MXI1: variants seen among roughly 807,000 people sequenced by gnomAD.
MXI1 encodes max-interacting protein 1.
MXI1 carries 18 observed loss-of-function variants against 36.9 expected under a neutral mutation model. The observed-to-expected ratio is 0.49, with a 90% CI of 0.34 to 0.72. The LOEUF is 0.72. Among genes scored for constraint, MXI1 ranks in the 30% least tolerant of loss-of-function variants. The pLI is 0.01. For synonymous variants in MXI1, 160 were observed against 146.7 expected, an observed-to-expected ratio of 1.09 and a Z score of -0.65; for missense variants, 304 against 379.1, an observed-to-expected ratio of 0.80 and a Z score of 1.64.
chr10:110,238,075 A>T (rs1184518123), intron 2 of MXI1, among the ~76,000 whole-genome samples: 1 of 152,204 alleles, frequency 6.6e-6, no homozygotes, highest in Non-Finnish European at 1.5e-5. Flanking sequence ...ATCAGGATGC[A>T]TTACTCTCCT....
intron 3 of MXI1, among the ~76,000 whole-genome samples, chr10:110,251,329 T>A (rs1464362240): frequency 1.3e-5 from 2 of 152,158 alleles, no homozygotes; most frequent in Non-Finnish European, 2.9e-5. Context: ...AATATCAATC[T>A]TTCAGCAACA....
chr10:110,272,502 G>A (rs560977194), intron 3 of MXI1, among the ~76,000 whole-genome samples: 36 of 152,146 alleles, frequency 2.4e-4, no homozygotes, highest in Admixed American at 1.8e-3. Context: ...AATATCCTCT[G>A]GCTCAGTGTT....
intron 3 of MXI1, among the ~76,000 whole-genome samples, chr10:110,262,510 G>C (rs941329601): frequency 2.6e-5 from 4 of 152,072 alleles, no homozygotes; most frequent in African/African-American, 9.7e-5. Context: ...CTGGGGAAAG[G>C]AGTGAGATTC....
At chr10:110,216,008 C>T (rs1854628095) in intron 1 of MXI1, among the ~76,000 whole-genome samples, 1 of 152,196 alleles carries the variant, frequency 6.6e-6, no homozygotes, top group African/African-American at 2.4e-5. Context: ...ACCCGAGTGG[C>T]CTGGCTAGAG....
chr10:110,231,055 A>G (rs1477533803), intron 2 of MXI1, among the ~76,000 whole-genome samples: 4 of 152,182 alleles, frequency 2.6e-5, no homozygotes, highest in African/African-American at 9.7e-5. Flanking sequence ...CTCAGGTATT[A>G]TATGATATGC....
At chr10:110,245,491 AC>A (rs1258902359) in intron 3 of MXI1, among the ~76,000 whole-genome samples, 1 of 152,076 alleles carries the variant, frequency 6.6e-6, no homozygotes, top group Non-Finnish European at 1.5e-5. Context: ...GTCACCTGAT[AC>A]CTTTTTGAAG....
intron 3 of MXI1, among the ~76,000 whole-genome samples, chr10:110,256,123 A>T (rs1280887794): frequency 6.6e-6 from 1 of 152,208 alleles, no homozygotes; most frequent in Non-Finnish European, 1.5e-5. Flanking sequence ...ATGAGGTTGG[A>T]TCCCTACCTC....
chr10:110,211,744 G>T (rs1854521564), intron 1 of MXI1, among the ~76,000 whole-genome samples: 1 of 152,206 alleles, frequency 6.6e-6, no homozygotes, highest in African/African-American at 2.4e-5. Flanking sequence ...ACTGTCTGCT[G>T]TGTGCAAGGC....
At chr10:110,227,067 G>T (rs373808181) in intron 1 of MXI1, among the ~76,000 whole-genome samples, 50 of 54,596 alleles carry the variant, frequency 9.2e-4, no homozygotes, top group Non-Finnish European at 1.3e-3. Flanking sequence ...GGGCGTACGC[G>T]TGTGGGGAGG....
chr10:110,226,041 G>C, intron 1 of MXI1: 9 of 982,996 alleles, frequency 9.2e-6, no homozygotes, highest in Non-Finnish European at 1.1e-5. Flanking sequence ...GGCGCGGCTG[G>C]CGCGGCTGGG....
chr10:110,284,238 T>C (rs1291002510), intron 5 of MXI1, among the ~76,000 whole-genome samples: 3 of 152,116 alleles, frequency 2.0e-5, no homozygotes, highest in Non-Finnish European at 4.4e-5. Context: ...TTTCAAGCTA[T>C]ATTTGATGCA....
chr10:110,226,203 C>A lies in MXI1; in HGVS notation c.275-1986C>A, dbSNP rs569559832. The stretch of plus-strand genomic sequence containing the variant: ...GCGGAGAGGCGCCGGTCGCCACCCG[C>A]GGTGCCCATGGAGCGGGTGAAGATG... On this transcript the variant is annotated intron_variant, in intron 1 of 5. Transcript: ENST00000332674. The A allele has an allele frequency of 2.0e-6, 3 of 1,473,688 alleles. No homozygotes were observed. The African/African-American group carries it at 4.4e-5, about 21-fold the overall frequency. 91.3% of individuals were successfully genotyped at this position (1,473,688 alleles called of 1,614,324 possible).
At chr10:110,209,535 T>C (rs1564702178) in intron 1 of MXI1, among the ~76,000 whole-genome samples, 1 of 151,856 alleles carries the variant, frequency 6.6e-6, no homozygotes, top group Non-Finnish European at 1.5e-5. Flanking sequence ...GGATTTGTGT[T>C]GTGAGGTCGG....
At chr10:110,284,761 A>T in intron 5 of MXI1, 63 bp from the exon 6 acceptor site, 1 of 1,423,686 alleles carries the variant, frequency 7.0e-7, no homozygotes, top group Non-Finnish European at 9.5e-7. Context: ...TCATGCTGTT[A>T]GTTTTTGAAG....
intron 1 of MXI1, among the ~76,000 whole-genome samples, chr10:110,223,727 G>A (rs1413910732): frequency 6.6e-6 from 1 of 152,040 alleles, no homozygotes; most frequent in Non-Finnish European, 1.5e-5. Flanking sequence ...CCAACACCCA[G>A]TGGGAAAGTC....
At chr10:110,230,207 A>G (rs1421473473) in intron 2 of MXI1, among the ~76,000 whole-genome samples, 2 of 152,220 alleles carry the variant, frequency 1.3e-5, no homozygotes, top group African/African-American at 4.8e-5. Context: ...CAATTATGTT[A>G]CCGGTCATTA....
intron 1 of MXI1, chr10:110,227,646 C>T: frequency 1.4e-6 from 1 of 710,868 alleles, no homozygotes; most frequent in Non-Finnish European, 1.7e-6. Flanking sequence ...TGGAGAGGGG[C>T]CTTTGAATAC....
chr10:110,230,299 G>A (rs142333893), intron 2 of MXI1, among the ~76,000 whole-genome samples: 300 of 152,292 alleles, frequency 2.0e-3, no homozygotes, highest in African/African-American at 7.1e-3. Context: ...TTTCATGCTA[G>A]TGTCTCTGTT....
At chr10:110,246,538 A>C (rs749900016) in intron 3 of MXI1, among the ~76,000 whole-genome samples, 1 of 152,182 alleles carries the variant, frequency 6.6e-6, no homozygotes, top group Non-Finnish European at 1.5e-5. Context: ...AGTGGCTTTT[A>C]CTACTTTGCA....
Sources: gnomAD v4.1 joint callset for allele counts (sites outside exome capture counted in the v4.1 genomes callset) on GRCh38, gnomAD v4.1.1 for gene constraint, MANE v1.5 for transcripts, NCBI Gene and HGNC (gene_info 2026-07-23, HGNC 2026-07-21) for gene names.